ARHGEF10L: variants seen among roughly 807,000 people sequenced by gnomAD.
ARHGEF10L encodes Rho guanine nucleotide exchange factor 10 like.
ARHGEF10L carries 69 observed loss-of-function variants against 141.2 expected under a neutral mutation model. That is an observed-to-expected ratio of 0.49 (90% CI 0.40 to 0.60). ARHGEF10L has a LOEUF of 0.60. Ranked by LOEUF, ARHGEF10L falls within the 20% of genes least tolerant of loss-of-function variation. The pLI, the probability that ARHGEF10L is intolerant of heterozygous loss-of-function variation, is 0.00. For missense variants in ARHGEF10L, 1,482 were observed against 1,734.3 expected, an observed-to-expected ratio of 0.85 and a Z score of 2.58; for synonymous variants, 711 against 718.5, an observed-to-expected ratio of 0.99 and a Z score of 0.17.
intron 4 of ARHGEF10L, among the ~76,000 whole-genome samples, chr1:17,593,372 G>C (rs1474616778): frequency 6.6e-6 from 1 of 152,162 alleles, no homozygotes; most frequent in African/African-American, 2.4e-5. Flanking sequence ...CAGCACCTGT[G>C]AATCTGTGAC....
intron 4 of ARHGEF10L, among the ~76,000 whole-genome samples, chr1:17,595,535 C>A (rs2080009304): frequency 6.6e-6 from 1 of 152,204 alleles, no homozygotes; most frequent in South Asian, 2.1e-4. Flanking sequence ...CACCTGAGGG[C>A]CGCTCTGAGA....
intron 1 of ARHGEF10L, among the ~76,000 whole-genome samples, chr1:17,569,645 G>T (rs2077908392): frequency 6.6e-6 from 1 of 152,202 alleles, no homozygotes; most frequent in Admixed American, 6.5e-5. Context: ...GGGAGGCCTG[G>T]TTTGCTCTCT....
At chr1:17,583,717 C>T (rs1338482445) in intron 2 of ARHGEF10L, among the ~76,000 whole-genome samples, 2 of 152,198 alleles carry the variant, frequency 1.3e-5, no homozygotes, top group Admixed American at 1.3e-4. Flanking sequence ...CCCCCACTCC[C>T]TGCCCAGCAG....
intron 1 of ARHGEF10L, among the ~76,000 whole-genome samples, chr1:17,575,076 G>T (rs1041394164): frequency 3.9e-5 from 6 of 152,194 alleles, no homozygotes; most frequent in Non-Finnish European, 5.9e-5. Flanking sequence ...AGCAGGGGAA[G>T]GTCTCAGCTG....
Position 17,656,144 on chromosome 1 carries a change from G to C in ARHGEF10L, c.2705+42G>C. 1.3e-6 allele frequency: 2 copies of C among 1,540,880 alleles called. No individual in the cohort carries two copies. Among genetic ancestry groups the C allele is most frequent in the Non-Finnish European group, 1.8e-6 (2 of 1,140,880 alleles). On this transcript the variant is annotated intron_variant, in intron 24 of 28. Transcript: ENST00000361221. The surrounding 1 kb of genome is among the most constrained non-coding windows in gnomAD (Gnocchi z 4.9). ...GAGGGGTGAGAGCAGCCTCTGCAGG[G>C]CTGGGCAGTGGGTGGGGGCTGTCCC...
At chr1:17,589,265 G>T (rs2079328584) in intron 4 of ARHGEF10L, among the ~76,000 whole-genome samples, 1 of 152,220 alleles carries the variant, frequency 6.6e-6, no homozygotes, top group Admixed American at 6.5e-5. Context: ...TCTTCTGCAA[G>T]TCAGGTCTGG....
At chr1:17,521,346 G>A in the ARHGEF10L span, among the ~76,000 whole-genome samples, 5 of 152,108 alleles carry the variant, frequency 3.3e-5, no homozygotes, top group Admixed American at 1.3e-4. Context: ...ACAGGCATGC[G>A]CCACCACGCC....
At chr1:17,651,239 T>G (rs2061914918) in intron 22 of ARHGEF10L, among the ~76,000 whole-genome samples, 1 of 152,192 alleles carries the variant, frequency 6.6e-6, no homozygotes, top group Non-Finnish European at 1.5e-5. Flanking sequence ...GTCCTGGCCC[T>G]GGTGGAGGCC....
Position 17,637,870 on chromosome 1 carries a change from G to C in ARHGEF10L, c.1928-18G>C. On this transcript the variant is annotated intron_variant, in intron 18 of 28. Transcript: ENST00000361221. Reference sequence around the variant, plus strand: ...TAGCGCCTTCACCTGTGCCTGAGTTGGTCTCTTCTCTGCCCAGATAAGGTG... The same window carrying C: ...TAGCGCCTTCACCTGTGCCTGAGTTCGTCTCTTCTCTGCCCAGATAAGGTG... 1 of 1,564,604 alleles carries C rather than the reference G, an allele frequency of 6.4e-7. No individual in the cohort carries two copies. The highest frequency in any genetic ancestry group is 8.7e-7 in the Non-Finnish European group (1 of 1,153,360).
At position 17,675,591 on chromosome 1, in the gene ARHGEF10L, G is replaced by A. The variant is rs183567607; in HGVS notation, c.3009+10996G>A. Among the ~76,000 whole-genome samples, 16 of 151,280 alleles carry A rather than the reference G, an allele frequency of 1.1e-4. No homozygotes were observed. The East Asian group carries it at 3.1e-3, about 30-fold the overall frequency. On this transcript the variant is annotated intron_variant, in intron 26 of 28. Transcript: ENST00000361221. ...TGTGCAGGTGTGGATGCAGGGATGT[G>A]TGCAGGTGTGGGTACAGGTTTGTGT...
the ARHGEF10L span, among the ~76,000 whole-genome samples, chr1:17,520,026 C>T: frequency 4.6e-5 from 7 of 152,310 alleles, no homozygotes; most frequent in African/African-American, 1.7e-4. Flanking sequence ...TGTACCCAGG[C>T]CCTGTGTGCC....
rs1558069883 is a variant in ARHGEF10L at position 17,697,716 on chromosome 1, G to T, written c.*336G>T. Reference sequence around the variant, plus strand: ...AGGCAGCCACACGCCCCTCCTGGAAGGGTGTGTGCGTGTGAGTGTGTGCGA... The same window carrying T: ...AGGCAGCCACACGCCCCTCCTGGAATGGTGTGTGCGTGTGAGTGTGTGCGA... On this transcript the variant is annotated 3_prime_UTR_variant, in exon 29 of 29. Coordinates refer to ENST00000361221, the MANE Select transcript of ARHGEF10L (RefSeq NM_018125.4). This position sits in a 1 kb window ranked among gnomAD's most constrained non-coding sequence, Gnocchi z 4.8. 1.9e-6 allele frequency: 1 copy of T among 516,658 alleles called. No homozygotes were observed. Among genetic ancestry groups the T allele is most frequent in the Non-Finnish European group, 3.7e-6 (1 of 267,168 alleles). The allele number at this position is 516,658 out of a possible 1,614,324, so 32.0% of individuals were successfully genotyped here. A position where few individuals can be genotyped will look rare whatever the true frequency, so the allele number is the denominator to read the frequency against.
chr1:17,571,510 G>A (rs1169470562), intron 1 of ARHGEF10L, among the ~76,000 whole-genome samples: 1 of 152,070 alleles, frequency 6.6e-6, no homozygotes, highest in African/African-American at 2.4e-5. Flanking sequence ...CAGATGAGCA[G>A]TAATGCAGCG....
chr1:17,548,421 G>A (rs1163581633), intron 1 of ARHGEF10L, among the ~76,000 whole-genome samples: 4 of 152,112 alleles, frequency 2.6e-5, no homozygotes, highest in African/African-American at 2.4e-5. Context: ...ACTCTTAGGG[G>A]TCAGTAAATT....
chr1:17,680,888 A>C (rs1485331175), intron 26 of ARHGEF10L, among the ~76,000 whole-genome samples: 2 of 150,368 alleles, frequency 1.3e-5, no homozygotes, highest in African/African-American at 4.9e-5. Context: ...GGTTCAAGCG[A>C]TTCTCCTGCT....
chr1:17,656,223 C>T lies in ARHGEF10L; in HGVS notation c.2705+121C>T, dbSNP rs1165210605. On this transcript the variant is annotated intron_variant, in intron 24 of 28. Coordinates refer to ENST00000361221, the MANE Select transcript of ARHGEF10L (RefSeq NM_018125.4). The surrounding 1 kb of genome is among the most constrained non-coding windows in gnomAD (Gnocchi z 4.9). ...ACCAACATTCTCTGCCCCTGGTCTC[C>T]AGGAAGGTGGGCACCAGAGCTGCCC... The T allele has an allele frequency of 8.0e-7, 1 of 1,244,916 alleles. No homozygotes were observed. The highest frequency in any genetic ancestry group is 2.2e-5 in the Admixed American group (1 of 46,148). 77.1% of individuals were successfully genotyped at this position (1,244,916 alleles called of 1,614,324 possible).
At chr1:17,641,462 T>A (rs559470680) in intron 21 of ARHGEF10L, among the ~76,000 whole-genome samples, 1 of 151,188 alleles carries the variant, frequency 6.6e-6, no homozygotes, top group African/African-American at 2.4e-5. Context: ...AAACCCTGTT[T>A]CTACTAAAAA....
intron 27 of ARHGEF10L, among the ~76,000 whole-genome samples, chr1:17,690,469 A>G (rs1435371991): frequency 2.0e-5 from 3 of 152,178 alleles, no homozygotes; most frequent in African/African-American, 7.2e-5. Flanking sequence ...TTTACGGCAT[A>G]CCCGCCCTGC....
rs201664269 is a variant in ARHGEF10L, at chr1:17,616,210, G to C, written c.835+8G>C. ...ACAGGAAGGACGTCCTCGGTGAGGCGCTGCCCGAGCGGGAGGGTCTGGTGC... is the reference window on the plus strand; with the variant it reads ...ACAGGAAGGACGTCCTCGGTGAGGCCCTGCCCGAGCGGGAGGGTCTGGTGC... On this transcript the variant is annotated splice_region_variant and intron_variant, in intron 9 of 28. Coordinates refer to ENST00000361221, the MANE Select transcript of ARHGEF10L (RefSeq NM_018125.4). 6.2e-7 allele frequency: 1 copy of C among 1,610,306 alleles called. No individual in the cohort carries two copies. Among genetic ancestry groups the C allele is most frequent in the African/African-American group, 1.3e-5 (1 of 74,868 alleles).
Sources: allele counts gnomAD v4.1 joint callset (sites outside exome capture counted in the v4.1 genomes callset), GRCh38; gene constraint gnomAD v4.1.1; non-coding constraint Gnocchi (gnomAD v3.1); transcripts MANE v1.5; gene names NCBI Gene and HGNC (gene_info 2026-07-23, HGNC 2026-07-21).